RGS3: variants seen among roughly 807,000 people sequenced by gnomAD.
The protein encoded by RGS3 is regulator of G-protein signalling 3.
RGS3 carries 80 observed loss-of-function variants against 132.6 expected under a neutral mutation model. The observed-to-expected ratio is 0.60, with a 90% CI of 0.50 to 0.73. The LOEUF (loss-of-function observed/expected upper bound fraction) is 0.73, where lower values mean the gene tolerates loss of function less well. Ranked by LOEUF, RGS3 falls within the 30% of genes least tolerant of loss-of-function variation. The probability of loss-of-function intolerance (pLI) is 0.00; values close to 1 mark genes in which losing one functional copy is unlikely to be tolerated. For missense variants in RGS3, 1,382 were observed against 1,530.8 expected (o/e 0.90, Z 1.62); for synonymous variants, 598 against 620.6 (o/e 0.96, Z 0.54).
intron 19 of RGS3, among the ~76,000 whole-genome samples, chr9:113,550,669 T>C (rs1833303371): frequency 6.6e-6 from 1 of 152,262 alleles, no homozygotes; most frequent in Non-Finnish European, 1.5e-5. Flanking sequence ...CTCCTCATCA[T>C]TACCAACATG....
chr9:113,484,136 A>G lies in RGS3; in HGVS notation c.526-2A>G. 2.5e-6 allele frequency: 4 copies of G among 1,595,158 alleles called. No homozygotes were observed. Among genetic ancestry groups the G allele is most frequent in the Non-Finnish European group, 3.4e-6 (4 of 1,163,036 alleles). On this transcript the variant is annotated splice_acceptor_variant, in intron 5 of 24. Coordinates refer to ENST00000350696, the Ensembl canonical transcript of RGS3. LOFTEE classifies it high-confidence loss of function. ...ATCATGCTTCCTTTTTTCCAATTCA[A>G]GATTTCTTTGATCCCTGAAGATAGT...
At chr9:113,539,465 A>G (rs757079712) in intron 19 of RGS3, among the ~76,000 whole-genome samples, 45 of 152,166 alleles carry the variant, frequency 3.0e-4, no homozygotes, top group Non-Finnish European at 4.4e-4. Flanking sequence ...ACATGCCACC[A>G]TGCCTGGCTA....
chr9:113,502,050 G>A (rs147329995), intron 10 of RGS3, among the ~76,000 whole-genome samples: 2,213 of 152,262 alleles, frequency 0.015, 60 homozygotes, highest in African/African-American at 0.051. Context: ...ATGTGAGATC[G>A]GGTGTTTTCG....
chr9:113,461,826 G>T (rs1336625982), exon 2 of RGS3: 1 of 1,614,176 alleles, frequency 6.2e-7, no homozygotes, highest in African/African-American at 1.3e-5. Flanking sequence ...TTTGGGAGGA[G>T]GCTCTACAGT....
intron 18 of RGS3, among the ~76,000 whole-genome samples, chr9:113,532,320 A>G (rs543304174): frequency 6.6e-6 from 1 of 152,292 alleles, no homozygotes; most frequent in African/African-American, 2.4e-5. Context: ...ATTTAGGCAG[A>G]TGGGAATTCA....
At chr9:113,464,978 C>T (rs2119168013) in intron 3 of RGS3, among the ~76,000 whole-genome samples, 1 of 152,306 alleles carries the variant, frequency 6.6e-6, no homozygotes, top group South Asian at 2.1e-4. Flanking sequence ...AATTGCCTGA[C>T]GTCTGGCAGC....
chr9:113,484,775 G>C (rs1226154423), intron 6 of RGS3, among the ~76,000 whole-genome samples: 1 of 152,080 alleles, frequency 6.6e-6, no homozygotes, highest in Non-Finnish European at 1.5e-5. Flanking sequence ...CCCAATCTCT[G>C]AACTCTGGGG....
At chr9:113,458,030 C>T (rs1159739443), upstream of RGS3, among the ~76,000 whole-genome samples, 3 of 152,164 alleles carry the variant, frequency 2.0e-5, no homozygotes, top group Non-Finnish European at 2.9e-5. Context: ...TGACTGATGC[C>T]TATAGATGTA....
intron 17 of RGS3, among the ~76,000 whole-genome samples, chr9:113,523,254 A>C (rs143265038): frequency 2.6e-5 from 4 of 152,054 alleles, no homozygotes; most frequent in African/African-American, 9.7e-5. Flanking sequence ...GGAAGTTTCT[A>C]TTCTAGAGAC....
At chr9:113,449,580 A>C (rs1363814991) in intron 1 of RGS3, among the ~76,000 whole-genome samples, 1 of 152,102 alleles carries the variant, frequency 6.6e-6, no homozygotes, top group African/African-American at 2.4e-5. Flanking sequence ...GGAGTGTGAG[A>C]TGGGGAAGGT....
chr9:113,481,548 C>T (rs2119217825), intron 4 of RGS3, among the ~76,000 whole-genome samples: 1 of 152,376 alleles, frequency 6.6e-6, no homozygotes, highest in Middle Eastern at 3.4e-3. Flanking sequence ...CTGCCAGGGC[C>T]TGACTCCAGC....
At chr9:113,471,844 C>T (rs1013121348) in intron 3 of RGS3, among the ~76,000 whole-genome samples, 7 of 152,244 alleles carry the variant, frequency 4.6e-5, no homozygotes, top group Non-Finnish European at 1.0e-4. Context: ...TGGACCTCTT[C>T]GTAGGATTGC....
chr9:113,462,378 G>A lies in RGS3; in HGVS notation c.415+177G>A, dbSNP rs536555921. 4.6e-5 allele frequency among the ~76,000 whole-genome samples: 7 copies of A among 152,296 alleles called. No individual in the cohort carries two copies. In the South Asian group the frequency reaches 1.4e-3, roughly 32 times the overall value. On this transcript the variant is annotated intron_variant, in intron 3 of 24. Transcript: ENST00000350696. ...GTGCCAGGATTCAAACAATCCTACGGCATTTATGTGATTTATCACCAGTTT... is the reference window on the plus strand; with the variant it reads ...GTGCCAGGATTCAAACAATCCTACGACATTTATGTGATTTATCACCAGTTT...
Position 113,592,740 on chromosome 9 carries a change from G to C in RGS3, c.3080+1343G>C, listed in dbSNP as rs899017996. On this transcript the variant is annotated intron_variant, in intron 21 of 24. Coordinates refer to ENST00000350696, the Ensembl canonical transcript of RGS3. ...TGGCCTCAAGTGATCTTCCCGCCTC[G>C]GCCTCCCAAAGTGCTGGGATTACAG... is the stretch of plus-strand genomic sequence containing the variant. 2.0e-5 allele frequency: 3 copies of C among 152,192 alleles called. No homozygotes were observed. In the East Asian group the frequency reaches 5.8e-4, roughly 29 times the overall value. The allele number at this position is 152,192 out of a possible 1,614,324, so 9.4% of individuals were successfully genotyped here. A position where few individuals can be genotyped will look rare whatever the true frequency, so the allele number is the denominator to read the frequency against.
Position 113,498,007 on chromosome 9 carries a change from T to C in RGS3, c.842-18T>C. ...TCTGCCACCAGAAGTTTTCTGATTC[T>C]GCTCTGTCACCTTCCAGACCCGCTG... On this transcript the variant is annotated intron_variant, in intron 9 of 24. Transcript: ENST00000350696. The C allele has an allele frequency of 6.2e-7, 1 of 1,613,880 alleles. No homozygotes were observed. Among genetic ancestry groups the C allele is most frequent in the Non-Finnish European group, 8.5e-7 (1 of 1,179,800 alleles).
At chr9:113,466,281 C>CAAAG (rs1005791330) in intron 3 of RGS3, among the ~76,000 whole-genome samples, 1 of 152,204 alleles carries the variant, frequency 6.6e-6, no homozygotes, top group African/African-American at 2.4e-5. Context: ...TAGCCCCTGG[C>CAAAG]CTTCTACTGT....
intron 1 of RGS3, among the ~76,000 whole-genome samples, chr9:113,450,681 TGAG>T (rs1564434599): frequency 6.6e-6 from 1 of 151,432 alleles, no homozygotes; most frequent in South Asian, 2.1e-4. Context: ...GAAAGAATAT[TGAG>T]GAGGGAAGAG....
intron 19 of RGS3, among the ~76,000 whole-genome samples, chr9:113,557,364 C>T (rs938200207): frequency 6.6e-6 from 1 of 152,244 alleles, no homozygotes; most frequent in Non-Finnish European, 1.5e-5. Flanking sequence ...GTTGGACTCC[C>T]TCAATCATTT....
intron 14 of RGS3, among the ~76,000 whole-genome samples, chr9:113,512,951 C>T (rs1453262290): frequency 1.3e-5 from 2 of 152,166 alleles, no homozygotes; most frequent in African/African-American, 2.4e-5. Context: ...AATCCCAGCA[C>T]TTTGGGAGGC....
Sources: allele counts gnomAD v4.1 joint callset (sites outside exome capture counted in the v4.1 genomes callset), GRCh38; gene constraint gnomAD v4.1.1; transcripts MANE v1.5; gene names NCBI Gene and HGNC (gene_info 2026-07-23, HGNC 2026-07-21).